The following PRKCB variants were observed in gnomAD, a reference collection of about 807,000 sequenced individuals.
The protein encoded by PRKCB is protein kinase C beta type.
A neutral mutation model predicts 81.5 loss-of-function variants in PRKCB; 13 were observed. The ratio of observed to expected loss-of-function variants is 0.16; its 90% CI spans 0.10 to 0.25. The LOEUF (loss-of-function observed/expected upper bound fraction) is 0.25, where lower values mean the gene tolerates loss of function less well. PRKCB is among the 10% of genes least tolerant of loss of function. The probability of loss-of-function intolerance (pLI) is 1.00; values close to 1 mark genes in which losing one functional copy is unlikely to be tolerated. For missense variants in PRKCB, 509 were observed against 875.7 expected, an observed-to-expected ratio of 0.58 and a Z score of 5.29; for synonymous variants, 335 against 321.4, an observed-to-expected ratio of 1.04 and a Z score of -0.45.
chr16:24,196,032 C>T (rs1046322982), intron 16 of PRKCB, among the ~76,000 whole-genome samples: 1 of 152,302 alleles, frequency 6.6e-6, no homozygotes, highest in Middle Eastern at 3.4e-3. Flanking sequence ...GAACATCAAC[C>T]GCTCAGGGAG....
intron 2 of PRKCB, among the ~76,000 whole-genome samples, chr16:23,964,916 C>T (rs552392165): frequency 4.6e-5 from 7 of 152,236 alleles, no homozygotes; most frequent in South Asian, 4.1e-4. Context: ...GTGATCCACC[C>T]GCCTTGGCCT....
intron 5 of PRKCB, among the ~76,000 whole-genome samples, chr16:24,050,348 G>A (rs1162120760): frequency 1.3e-5 from 2 of 152,110 alleles, no homozygotes; most frequent in Non-Finnish European, 2.9e-5. Context: ...ATAAAGCAGG[G>A]TGCCCAGAGT....
chr16:24,181,777 A>AAAAAAAAAAAAC (rs1967628132), intron 13 of PRKCB, among the ~76,000 whole-genome samples: 1 of 149,002 alleles, frequency 6.7e-6, no homozygotes, highest in Non-Finnish European at 1.5e-5. Flanking sequence ...GTCTCAAAAA[A>AAAAAAAAAAAAC]AAAAAAAAAA....
At chr16:24,144,282 G>A (rs1056542504) in intron 9 of PRKCB, among the ~76,000 whole-genome samples, 4 of 152,088 alleles carry the variant, frequency 2.6e-5, no homozygotes, top group African/African-American at 4.8e-5. Flanking sequence ...ACACATACAC[G>A]TGTATTTACT....
intron 2 of PRKCB, among the ~76,000 whole-genome samples, chr16:23,910,266 C>T (rs1963630293): frequency 6.6e-6 from 1 of 152,150 alleles, no homozygotes; most frequent in Non-Finnish European, 1.5e-5. Flanking sequence ...TAGAAGGCGG[C>T]CATCAACATT....
chr16:24,174,336 C>T, intron 11 of PRKCB, 182 bp from the exon 12 acceptor site: 1 of 578,930 alleles, frequency 1.7e-6, no homozygotes, highest in Non-Finnish European at 3.1e-6. Context: ...GCAACCCCAT[C>T]ACCCTCTAAA....
intron 3 of PRKCB, among the ~76,000 whole-genome samples, chr16:24,004,077 C>T (rs1246190749): frequency 6.6e-6 from 1 of 151,908 alleles, no homozygotes; most frequent in Non-Finnish European, 1.5e-5. Context: ...AAATTATGAT[C>T]AATATAACAA....
chr16:23,986,849 T>C (rs1964810148), intron 2 of PRKCB, among the ~76,000 whole-genome samples: 1 of 152,184 alleles, frequency 6.6e-6, no homozygotes, highest in Non-Finnish European at 1.5e-5. Flanking sequence ...TCATGATCAA[T>C]TTCTTTTTCA....
intron 9 of PRKCB, among the ~76,000 whole-genome samples, chr16:24,138,526 T>A (rs1419821332): frequency 6.6e-6 from 1 of 151,818 alleles, no homozygotes; most frequent in Non-Finnish European, 1.5e-5. Context: ...GACTAAGCCA[T>A]ATATGTCACC....
At chr16:23,893,248 A>C (rs1963321969) in intron 2 of PRKCB, 3 of 152,314 alleles carry the variant, frequency 2.0e-5, no homozygotes, top group African/African-American at 7.2e-5. Flanking sequence ...CAGAGGGAGA[A>C]GCCAAGAAAA....
At chr16:24,083,096 G>T (rs1966270269) in intron 5 of PRKCB, among the ~76,000 whole-genome samples, 1 of 152,128 alleles carries the variant, frequency 6.6e-6, no homozygotes, top group East Asian at 1.9e-4. Context: ...AATATCACTA[G>T]AAATTACAGA....
intron 3 of PRKCB, among the ~76,000 whole-genome samples, chr16:23,990,175 T>C (rs1285234834): frequency 6.6e-6 from 1 of 152,130 alleles, no homozygotes; most frequent in Non-Finnish European, 1.5e-5. Flanking sequence ...AGCTTTTTTT[T>C]TGGCCAGGCA....
At position 24,218,335 on chromosome 16, in the gene PRKCB, G is replaced by A. The variant is rs992985873; in HGVS notation, c.*3519G>A. 7 of 985,164 alleles carry A rather than the reference G, an allele frequency of 7.1e-6. No homozygotes were observed. The highest frequency in any genetic ancestry group is 6.2e-5 in the Admixed American group (1 of 16,252). 61.0% of individuals were successfully genotyped at this position (985,164 alleles called of 1,614,324 possible). On this transcript the variant is annotated 3_prime_UTR_variant, in exon 17 of 17. Transcript: ENST00000643927. ...ACCGGAAGTAACATGCCGAGCGCCT[G>A]GGGGATGGAAACTCCTATAGCACCC...
rs1012267394 is a variant in PRKCB, at chr16:23,968,354, G to A, written c.206-20154G>A. Reference sequence around the variant, plus strand: ...AAGATTACAAATAAGGAATGTGGAAGCACCTAGGGCCTTGCAACAGCAGGA... The same window carrying A: ...AAGATTACAAATAAGGAATGTGGAAACACCTAGGGCCTTGCAACAGCAGGA... On this transcript the variant is annotated intron_variant, in intron 2 of 16. Coordinates refer to ENST00000643927, the MANE Select transcript of PRKCB (RefSeq NM_002738.7). Among the ~76,000 whole-genome samples, 12 of 152,296 alleles carry A rather than the reference G, an allele frequency of 7.9e-5. No homozygotes were observed. The South Asian group carries it at 1.0e-3, about 13-fold the overall frequency.
At position 24,015,817 on chromosome 16, in the gene PRKCB, T is replaced by G. The variant is rs139180226; in HGVS notation, c.289-16319T>G. 2.8e-3 allele frequency among the ~76,000 whole-genome samples: 430 copies of G among 152,268 alleles called. 2 individuals are homozygous for G. Among genetic ancestry groups the G allele is most frequent in the African/African-American group, 9.9e-3 (410 of 41,538 alleles). ...AGGTACTCAACGAATATTTGGTGAC[T>G]AAATGGTTAAATAAGTGAATGGCTT... is the stretch of plus-strand genomic sequence containing the variant. On this transcript the variant is annotated intron_variant, in intron 3 of 16. Transcript: ENST00000643927.
intron 2 of PRKCB, among the ~76,000 whole-genome samples, chr16:23,900,274 C>A (rs1459224950): frequency 6.6e-6 from 1 of 152,152 alleles, no homozygotes; most frequent in Non-Finnish European, 1.5e-5. Flanking sequence ...CGAGAGATAT[C>A]AATTCTTATG....
rs756874692 is a variant in PRKCB, at chr16:24,220,044, C to A, written c.*5228C>A. The A allele has an allele frequency of 1.2e-6, 2 of 1,614,196 alleles. No homozygotes were observed. The highest frequency in any genetic ancestry group is 1.7e-6 in the Non-Finnish European group (2 of 1,180,016). On this transcript the variant is annotated 3_prime_UTR_variant, in exon 17 of 17. Coordinates refer to ENST00000643927, the MANE Select transcript of PRKCB (RefSeq NM_002738.7). The stretch of plus-strand genomic sequence containing the variant: ...TGACCCCCACTGATAAACTCTTCAT[C>A]ATGAACTTGGACCAAAATGAATTTG...
chr16:24,216,155 G>A lies in PRKCB; in HGVS notation c.*1339G>A, dbSNP rs190191882. 656 of 985,500 alleles carry A rather than the reference G, an allele frequency of 6.7e-4. 1 individual carries two copies. The highest frequency in any genetic ancestry group is 5.7e-3 in the Middle Eastern group (11 of 1,914). 61.0% of individuals were successfully genotyped at this position (985,500 alleles called of 1,614,324 possible). A position where few individuals can be genotyped will look rare whatever the true frequency, so the allele number is the denominator to read the frequency against. ...CCAGTGTTCAGCCACTCGGAGGGGC[G>A]GGGGCTGTGGCCCATTCAGGGGCTG... On this transcript the variant is annotated 3_prime_UTR_variant, in exon 17 of 17. Coordinates refer to ENST00000643927, the MANE Select transcript of PRKCB (RefSeq NM_002738.7).
At chr16:23,845,341 G>A (rs1962349776) in intron 2 of PRKCB, among the ~76,000 whole-genome samples, 1 of 152,012 alleles carries the variant, frequency 6.6e-6, no homozygotes, top group Non-Finnish European at 1.5e-5. Context: ...CTATGTAATG[G>A]CTGGGGATGC....
Sources: gnomAD v4.1 joint callset for allele counts (sites outside exome capture counted in the v4.1 genomes callset) on GRCh38, gnomAD v4.1.1 for gene constraint, MANE v1.5 for transcripts, NCBI Gene and HGNC (gene_info 2026-07-23, HGNC 2026-07-21) for gene names.